Variants in TTBK2 observed in about 807,000 individuals in gnomAD.
TTBK2 encodes tau tubulin kinase 2.
In TTBK2, 28 loss-of-function variants were observed where a neutral mutation model predicts 110.8. The observed-to-expected ratio is 0.25, with a 90% CI of 0.19 to 0.35. The LOEUF is 0.35. TTBK2 is among the 10% of genes least tolerant of loss of function. TTBK2 has a pLI of 1.00. For missense variants in TTBK2, 1,369 were observed against 1,500.3 expected, an observed-to-expected ratio of 0.91 and a Z score of 1.45; for synonymous variants, 532 against 527.3, an observed-to-expected ratio of 1.01 and a Z score of -0.12.
chr15:42,862,803 G>A (rs1023859820), intron 3 of TTBK2, among the ~76,000 whole-genome samples: 11 of 152,108 alleles, frequency 7.2e-5, no homozygotes, highest in Non-Finnish European at 8.8e-5. Flanking sequence ...CTGGAGAATC[G>A]CTTGAACCAA....
chr15:42,852,752 G>A (rs970548227), intron 3 of TTBK2, among the ~76,000 whole-genome samples: 1 of 152,186 alleles, frequency 6.6e-6, no homozygotes, highest in Non-Finnish European at 1.5e-5. Context: ...GAAAATGAAC[G>A]TATTCAACAG....
chr15:42,845,890 T>C (rs1893438964), intron 3 of TTBK2, among the ~76,000 whole-genome samples: 1 of 152,162 alleles, frequency 6.6e-6, no homozygotes, highest in South Asian at 2.1e-4. Flanking sequence ...GGCATGTTAC[T>C]GTATTGCATA....
chr15:42,840,429 T>C lies in TTBK2; in HGVS notation c.222A>G (p.Lys74=). ...EVAVLKKLQG[K]DHVCRFIGCG... is the part of the protein sequence containing the mutation. ...AGCCAATAAATCTACAAACATGGTC[T>C]TTCCCTGGATAAAAAAAGAAAACAG... is the stretch of plus-strand genomic sequence containing the variant. Residue 74 remains lysine, a synonymous_variant, in exon 4 of 15, where the codon AAA becomes AAG. Coordinates refer to ENST00000267890, the MANE Select transcript of TTBK2 (RefSeq NM_173500.4). The C allele has an allele frequency of 6.2e-7, 1 of 1,613,816 alleles. No individual in the cohort carries two copies. Among genetic ancestry groups the C allele is most frequent in the Non-Finnish European group, 8.5e-7 (1 of 1,179,764 alleles).
At chr15:42,918,519 G>A (rs182902296) in intron 1 of TTBK2, among the ~76,000 whole-genome samples, 3 of 152,126 alleles carry the variant, frequency 2.0e-5, no homozygotes, top group Non-Finnish European at 4.4e-5. Context: ...ATAAAAAAGT[G>A]GCTGCCCCCC....
chr15:42,895,719 AGTAGAGACGGG>A (rs1784756535), intron 1 of TTBK2, among the ~76,000 whole-genome samples: 1 of 151,822 alleles, frequency 6.6e-6, no homozygotes, highest in Non-Finnish European at 1.5e-5. Flanking sequence ...TTGTATTTTT[AGTAGAGACGGG>A]GTTTCACCGT....
chr15:42,811,760 G>A lies in TTBK2; in HGVS notation c.624C>T (p.Asp208=). The A allele has an allele frequency of 1.2e-6, 2 of 1,613,552 alleles. No homozygotes were observed. The highest frequency in any genetic ancestry group is 1.1e-5 in the South Asian group (1 of 91,066). ...HRNREMGRHD[D]LWSLFYMLVE... is the part of the protein sequence containing the mutation. The stretch of plus-strand genomic sequence containing the variant: ...CCAACATGTAGAATAAGGACCAAAG[G>A]TCATCATGTCTTCCCATTTCCTTCA... The change falls in exon 8 of 15, where the codon GAC becomes GAT. Residue 208 remains aspartate (D), a synonymous_variant. Coordinates refer to ENST00000267890, the MANE Select transcript of TTBK2 (RefSeq NM_173500.4).
chr15:42,836,429 C>G (rs1051569428), intron 4 of TTBK2, among the ~76,000 whole-genome samples: 1 of 152,130 alleles, frequency 6.6e-6, no homozygotes, highest in African/African-American at 2.4e-5. Context: ...AAAATATGCT[C>G]TAGCGGTTAT....
At chr15:42,800,780 T>C (rs866111293) in intron 9 of TTBK2, among the ~76,000 whole-genome samples, 5 of 150,522 alleles carry the variant, frequency 3.3e-5, no homozygotes, top group Non-Finnish European at 5.9e-5. Context: ...AAAAAAGCAA[T>C]TGAATTGTTT....
chr15:42,861,784 A>G (rs1194940248), intron 3 of TTBK2, among the ~76,000 whole-genome samples: 10 of 152,196 alleles, frequency 6.6e-5, no homozygotes. Flanking sequence ...AATCCATACA[A>G]ATGATCAATG....
In TTBK2 at chr15:42,742,495, G is replaced by A. The variant is rs954086252; in HGVS notation, c.*3300C>T. 6.6e-6 allele frequency: 1 copy of A among 152,222 alleles called. No homozygotes were observed. The highest frequency in any genetic ancestry group is 2.1e-4 in the South Asian group (1 of 4,834). The allele number at this position is 152,222 out of a possible 1,614,324, so 9.4% of individuals were successfully genotyped here. A position where few individuals can be genotyped will look rare whatever the true frequency, so the allele number is the denominator to read the frequency against. On this transcript the variant is annotated 3_prime_UTR_variant, in exon 15 of 15. Transcript: ENST00000267890. ...TACGCTGTGCAAGAAATCACTATGT[G>A]TGATTTTACTATTTCAACCAATCCA... is the stretch of plus-strand genomic sequence containing the variant.
intron 3 of TTBK2, among the ~76,000 whole-genome samples, chr15:42,853,846 A>G (rs1027401213): frequency 6.6e-6 from 1 of 152,102 alleles, no homozygotes; most frequent in Non-Finnish European, 1.5e-5. Context: ...GCACCACTGC[A>G]CTCCAGCCTG....
chr15:42,867,760 G>T (rs1166071129), intron 3 of TTBK2, among the ~76,000 whole-genome samples: 1 of 152,138 alleles, frequency 6.6e-6, no homozygotes, highest in African/African-American at 2.4e-5. Flanking sequence ...CAGCCACTTT[G>T]GAAGAAAATT....
rs114515192 is a variant in TTBK2 at position 42,756,249 on chromosome 15, A to G, written c.1999-3002T>C. On this transcript the variant is annotated intron_variant, in intron 13 of 14. Coordinates refer to ENST00000267890, the MANE Select transcript of TTBK2 (RefSeq NM_173500.4). ...ACCAGTCACCTAATTATTACATGTA[A>G]TTCTAAGTACATTCGTCAAAATGAA... Among the ~76,000 whole-genome samples, 1,402 of 152,156 alleles carry G rather than the reference A, an allele frequency of 9.2e-3. 18 individuals carry two copies. The highest frequency in any genetic ancestry group is 0.032 in the African/African-American group (1,338 of 41,528).
intron 4 of TTBK2, among the ~76,000 whole-genome samples, chr15:42,830,592 A>G (rs1892718762): frequency 6.6e-6 from 1 of 152,146 alleles, no homozygotes; most frequent in Non-Finnish European, 1.5e-5. Flanking sequence ...TTAGCATATC[A>G]TGTTTCTGAT....
intron 3 of TTBK2, among the ~76,000 whole-genome samples, chr15:42,860,558 C>A (rs1196526466): frequency 6.6e-6 from 1 of 151,394 alleles, no homozygotes; most frequent in East Asian, 1.9e-4. Context: ...ACCAACTGAA[C>A]TCCTTGAGCC....
chr15:42,845,385 G>T (rs568328306), intron 3 of TTBK2, among the ~76,000 whole-genome samples: 18 of 152,146 alleles, frequency 1.2e-4, no homozygotes, highest in African/African-American at 4.3e-4. Flanking sequence ...TGGGGTACCT[G>T]CCAGGCACAG....
intron 13 of TTBK2, among the ~76,000 whole-genome samples, chr15:42,774,931 A>C (rs1301472571): frequency 6.6e-6 from 1 of 152,194 alleles, no homozygotes; most frequent in African/African-American, 2.4e-5. Flanking sequence ...TCATGTATTG[A>C]GTTTGATATA....
intron 6 of TTBK2, among the ~76,000 whole-genome samples, 164 bp from the exon 7 acceptor site, chr15:42,817,261 T>C (rs1892079503): frequency 6.6e-6 from 1 of 151,848 alleles, no homozygotes. Context: ...ACTAGAGAGA[T>C]TATCTCTAAA....
At chr15:42,902,086 C>T (rs1314038349) in intron 1 of TTBK2, among the ~76,000 whole-genome samples, 3 of 151,074 alleles carry the variant, frequency 2.0e-5, no homozygotes, top group Admixed American at 2.0e-4. Flanking sequence ...CGTGGTAGAG[C>T]ACGTCTGTAG....
Sources: allele counts gnomAD v4.1 joint callset (sites outside exome capture counted in the v4.1 genomes callset), GRCh38; gene constraint gnomAD v4.1.1; transcripts MANE v1.5; gene names NCBI Gene and HGNC (gene_info 2026-07-23, HGNC 2026-07-21).